Variants in TRAP1 observed in about 807,000 individuals in gnomAD.
The protein encoded by TRAP1 is TNF receptor associated protein 1.
Under a neutral mutation model 89.1 loss-of-function variants are expected in TRAP1, and 102 were observed. The ratio of observed to expected loss-of-function variants is 1.15; its 90% CI spans 0.98 to 1.35. TRAP1 has a LOEUF of 1.35. Among genes scored for constraint, TRAP1 ranks in the 40% most tolerant of loss-of-function variants. The pLI is 0.00. For missense variants in TRAP1, 1,256 were observed against 945.3 expected, an observed-to-expected ratio of 1.33 and a Z score of -4.31; for synonymous variants, 508 against 388.0, an observed-to-expected ratio of 1.31 and a Z score of -3.64.
chr16:3,659,156 GATAAATA>G (rs2042916083), intron 16 of TRAP1: 1 of 315,982 alleles, frequency 3.2e-6, no homozygotes, highest in Non-Finnish European at 5.8e-6. Context: ...TTGGTTCCTA[GATAAATA>G]ATAAAAGAGA....
At chr16:3,701,309 G>A (rs1313502988) in intron 1 of TRAP1, among the ~76,000 whole-genome samples, 1 of 152,040 alleles carries the variant, frequency 6.6e-6, no homozygotes, top group Non-Finnish European at 1.5e-5. Context: ...AGTTAAAACG[G>A]AAAGAATTAA....
chr16:3,676,498 G>A (rs1052673104), intron 6 of TRAP1: 2 of 182,160 alleles, frequency 1.1e-5, no homozygotes, highest in East Asian at 3.0e-4. Context: ...GATGCCCAGG[G>A]GCAAAAACAA....
Position 3,664,354 on chromosome 16 carries a change from T to C in TRAP1, c.1489A>G (p.Ile497Val), listed in dbSNP as rs572445356. ...CGGTTGGGGGCGCACAGGTAGTAGA[T>C]GTTGCGGGTGCCGGCCCGCATGCGG... Reference protein sequence around the residue: ...ASRMRAGTRNIYYLCAPNRHL... With the variant: ...ASRMRAGTRNVYYLCAPNRHL... Residue 497 changes from isoleucine to valine, a missense_variant, in exon 13 of 18, where the codon ATC becomes GTC. Physicochemically the swap from Ile to Val is conservative, Grantham distance 29 (BLOSUM62 3). Coordinates refer to ENST00000246957, the MANE Select transcript of TRAP1 (RefSeq NM_016292.3). 5 of 1,613,032 alleles carry C rather than the reference T, an allele frequency of 3.1e-6. No individual in the cohort carries two copies. The East Asian group carries it at 8.9e-5, about 29-fold the overall frequency.
intron 1 of TRAP1, among the ~76,000 whole-genome samples, chr16:3,706,251 G>A (rs75641859): frequency 6.6e-6 from 1 of 152,034 alleles, no homozygotes; most frequent in Non-Finnish European, 1.5e-5. Context: ...ACTGCACCAG[G>A]CCCAGCTTCC....
At chr16:3,663,664 A>C in intron 13 of TRAP1, 102 bp from the exon 14 acceptor site, 1 of 1,453,458 alleles carries the variant, frequency 6.9e-7, no homozygotes, top group Non-Finnish European at 9.3e-7. Flanking sequence ...CAAGCGGGCC[A>C]CACTGGGGAA....
At chr16:3,688,250 C>T (rs2051164590) in intron 3 of TRAP1, among the ~76,000 whole-genome samples, 2 of 152,048 alleles carry the variant, frequency 1.3e-5, no homozygotes, top group South Asian at 4.2e-4. Context: ...ATCCTCCTAC[C>T]TTGGCCTCCT....
chr16:3,671,636 G>T, intron 11 of TRAP1, 86 bp downstream of exon 11: 1 of 1,451,378 alleles, frequency 6.9e-7, no homozygotes, highest in East Asian at 2.4e-5. Context: ...CAGCTCCATG[G>T]GCCACGGCTA....
Position 3,664,412 on chromosome 16 carries a change from G to T in TRAP1, c.1431C>A (p.Ser477=). The T allele has an allele frequency of 1.2e-6, 2 of 1,611,924 alleles. No individual in the cohort carries two copies. The highest frequency in any genetic ancestry group is 1.7e-6 in the Non-Finnish European group (2 of 1,179,234). Residue 477 remains serine (S), a synonymous_variant, in exon 13 of 18, where the codon TCC becomes TCA. Transcript: ENST00000246957. ...LLRYESSALP[S]GQLTSLSEYA... ...ATTCTGAGAGGCTGGTTAGCTGCCC[G>T]GAGGGCAGCGCCGAGGACTCGTAGC... is the stretch of plus-strand genomic sequence containing the variant.
chr16:3,672,609 C>A, intron 10 of TRAP1, 91 bp downstream of exon 10: 9 of 1,468,606 alleles, frequency 6.1e-6, no homozygotes, highest in Non-Finnish European at 8.1e-6. Flanking sequence ...CTGCAGAGGG[C>A]TGCTGAGAAT....
At chr16:3,659,855 T>A (rs1233680603) in intron 16 of TRAP1, 1 of 151,912 alleles carries the variant, frequency 6.6e-6, no homozygotes, top group Non-Finnish European at 1.5e-5. Context: ...TTTCAAGAGG[T>A]TCTCTTGCCT....
At chr16:3,710,417 C>T (rs548313200) in intron 1 of TRAP1, 11 of 152,290 alleles carry the variant, frequency 7.2e-5, no homozygotes, top group Admixed American at 2.0e-4. Context: ...ACTTCATAGA[C>T]GAAGGATTCT....
chr16:3,696,164 G>A (rs555361563), intron 1 of TRAP1, among the ~76,000 whole-genome samples: 74 of 152,226 alleles, frequency 4.9e-4, no homozygotes, highest in African/African-American at 1.7e-3. Flanking sequence ...AAACTAGGAC[G>A]GCTGGTCACC....
Position 3,671,753 on chromosome 16 carries a change from G to T in TRAP1, c.1204C>A (p.Arg402=), listed in dbSNP as rs768200676. 4.3e-6 allele frequency: 7 copies of T among 1,613,190 alleles called. No individual in the cohort carries two copies. The highest frequency in any genetic ancestry group is 5.9e-6 in the Non-Finnish European group (7 of 1,180,024). Residue 402 remains arginine, a synonymous_variant, in exon 11 of 18, where the codon CGG becomes AGG. Transcript: ENST00000246957. ...DSEDIPLNLS[R]ELLQESALIR... is the part of the protein sequence containing the mutation. ...AGTGCGCTCTCCTGCAGCAGCTCCC[G>T]GCTGAGGTTCAGGGGAATGTCCTCA...
At chr16:3,698,230 G>A (rs569438669) in intron 1 of TRAP1, among the ~76,000 whole-genome samples, 1 of 151,730 alleles carries the variant, frequency 6.6e-6, no homozygotes, top group Non-Finnish European at 1.5e-5. Context: ...GCAAGACTTA[G>A]TATCATAACG....
chr16:3,684,587 C>T (rs2051114404), intron 4 of TRAP1, among the ~76,000 whole-genome samples: 2 of 152,074 alleles, frequency 1.3e-5, no homozygotes, highest in Non-Finnish European at 2.9e-5. Context: ...GGCAGGAGTT[C>T]AAGCCCAGCC....
chr16:3,693,385 G>GT (rs1406808986), intron 1 of TRAP1, among the ~76,000 whole-genome samples: 1 of 137,900 alleles, frequency 7.3e-6, no homozygotes, highest in Non-Finnish European at 1.6e-5. Context: ...TATTCGTACA[G>GT]TTAAAAAAAA....
chr16:3,681,765 C>T (rs187059930), intron 4 of TRAP1, among the ~76,000 whole-genome samples: 1 of 152,234 alleles, frequency 6.6e-6, no homozygotes, highest in African/African-American at 2.4e-5. Context: ...CAACTAATAG[C>T]TCCTATTTTC....
chr16:3,717,281 G>C, intron 1 of TRAP1, 140 bp downstream of exon 1: 1 of 355,918 alleles, frequency 2.8e-6, no homozygotes, highest in Non-Finnish European at 5.0e-6. Flanking sequence ...GAAAGTAAAC[G>C]CGTCTGCCGC....
At chr16:3,662,665 C>T (rs527608553) in intron 15 of TRAP1, 1 of 690,100 alleles carries the variant, frequency 1.4e-6, no homozygotes, top group East Asian at 2.8e-5. Flanking sequence ...CACACCTGCT[C>T]TGGAGCAGGG....
Sources: gnomAD v4.1 joint callset for allele counts (sites outside exome capture counted in the v4.1 genomes callset) on GRCh38, gnomAD v4.1.1 for gene constraint, MANE v1.5 for transcripts, NCBI Gene and HGNC (gene_info 2026-07-23, HGNC 2026-07-21) for gene names.